The following SFXN5 variants were observed in gnomAD, a reference collection of about 807,000 sequenced individuals.
SFXN5 encodes sideroflexin 5, also known as sideroflexin-5.
Under a neutral mutation model 50.2 loss-of-function variants are expected in SFXN5, and 43 were observed. The ratio of observed to expected loss-of-function variants is 0.86; its 90% CI spans 0.67 to 1.11. SFXN5 has a LOEUF of 1.11. Ranked by LOEUF, SFXN5 falls within the 50% of genes least tolerant of loss-of-function variation. SFXN5 has a pLI of 0.00. For synonymous variants in SFXN5, 203 were observed against 185.8 expected, an observed-to-expected ratio of 1.09 and a Z score of -0.75; for missense variants, 463 against 454.1, an observed-to-expected ratio of 1.02 and a Z score of -0.18.
At chr2:73,071,006 G>C (rs1280991695) in intron 1 of SFXN5, 1 of 152,584 alleles carries the variant, frequency 6.6e-6, no homozygotes, top group African/African-American at 2.4e-5. Context: ...CCGAGATGGA[G>C]AGCAGGGACG....
chr2:73,071,543 G>A lies in SFXN5; in HGVS notation c.102+61C>T, dbSNP rs1039128754. 15 of 1,496,930 alleles carry A rather than the reference G, an allele frequency of 1.0e-5. No homozygotes were observed. In the African/African-American group the frequency reaches 2.1e-4, roughly 21 times the overall value. The allele number at this position is 1,496,930 out of a possible 1,614,324, so 92.7% of individuals were successfully genotyped here. A position where few individuals can be genotyped will look rare whatever the true frequency, so the allele number is the denominator to read the frequency against. On this transcript the variant is annotated intron_variant, in intron 1 of 13. Coordinates refer to ENST00000272433, the MANE Select transcript of SFXN5 (RefSeq NM_144579.3). The stretch of plus-strand genomic sequence containing the variant: ...CCTTGGGCGGAAGGGGACTTTGGAG[G>A]GGAGTTTGCTCGTCCTCTCTTTGCC...
intron 2 of SFXN5, among the ~76,000 whole-genome samples, chr2:73,048,254 G>C (rs1017995423): frequency 6.6e-5 from 10 of 152,290 alleles, no homozygotes; most frequent in Middle Eastern, 3.4e-3. Flanking sequence ...CAGAGTCTCT[G>C]TCACCCAGGC....
At chr2:73,032,972 A>G (rs1678509148) in intron 3 of SFXN5, among the ~76,000 whole-genome samples, 1 of 152,206 alleles carries the variant, frequency 6.6e-6, no homozygotes, top group South Asian at 2.1e-4. Context: ...ACGAAAGAAG[A>G]GGGACTCTTC....
intron 12 of SFXN5, among the ~76,000 whole-genome samples, chr2:72,968,237 T>C (rs1259154767): frequency 1.3e-5 from 2 of 151,114 alleles, no homozygotes; most frequent in Admixed American, 6.6e-5. Flanking sequence ...TAGCCCAGGG[T>C]CCTGCATAGT....
chr2:73,059,211 C>A lies in SFXN5; in HGVS notation c.103-615G>T, dbSNP rs116089822. 17,286 of 985,796 alleles carry A rather than the reference C, an allele frequency of 0.018. 1,109 individuals carry two copies. The African/African-American group carries it at 0.19, about 11-fold the overall frequency. 61.1% of individuals were successfully genotyped at this position (985,796 alleles called of 1,614,324 possible). A position where few individuals can be genotyped will look rare whatever the true frequency, so the allele number is the denominator to read the frequency against. On this transcript the variant is annotated intron_variant, in intron 1 of 13. Transcript: ENST00000272433. ...TGGAAAAGGAGGGCTTTATGCTAAG[C>A]GCAGCCACAGGCATTGGAGCACAAT...
chr2:73,063,730 T>C (rs1343066295), intron 1 of SFXN5, among the ~76,000 whole-genome samples: 3 of 151,776 alleles, frequency 2.0e-5, no homozygotes, highest in African/African-American at 7.3e-5. Flanking sequence ...ATGAAAGAGG[T>C]GGTTACTGGA....
chr2:72,956,654 T>C (rs1673122242), intron 13 of SFXN5, among the ~76,000 whole-genome samples: 1 of 152,210 alleles, frequency 6.6e-6, no homozygotes, highest in African/African-American at 2.4e-5. Flanking sequence ...ACAAGGAATA[T>C]TGATACCTAC....
At chr2:72,985,854 C>A (rs143453566) in intron 10 of SFXN5, among the ~76,000 whole-genome samples, 12 of 152,276 alleles carry the variant, frequency 7.9e-5, no homozygotes, top group Non-Finnish European at 1.2e-4. Flanking sequence ...GTCTCAGACC[C>A]AAAGCAGGGA....
At chr2:73,069,095 G>A (rs1295412791) in intron 1 of SFXN5, among the ~76,000 whole-genome samples, 1 of 152,086 alleles carries the variant, frequency 6.6e-6, no homozygotes, top group African/African-American at 2.4e-5. Context: ...ATACTTTGGG[G>A]GCCCCTTCAG....
At chr2:72,962,746 CTCATGTTACCTGCGGG>C (rs1320060999) in intron 12 of SFXN5, among the ~76,000 whole-genome samples, 1 of 152,200 alleles carries the variant, frequency 6.6e-6, no homozygotes, top group East Asian at 1.9e-4. Flanking sequence ...GTTGTTATTG[CTCATGTTACCTGCGGG>C]AAGGTAGGAT....
intron 10 of SFXN5, among the ~76,000 whole-genome samples, chr2:72,980,315 T>C (rs1213915069): frequency 2.0e-5 from 3 of 152,204 alleles, no homozygotes; most frequent in East Asian, 1.9e-4. Context: ...GGAAGGTCTA[T>C]GTATATACAT....
chr2:72,950,695 T>G lies in SFXN5; in HGVS notation c.946-5596A>C, dbSNP rs1384895544. On this transcript the variant is annotated intron_variant, in intron 13 of 13. Coordinates refer to ENST00000272433, the MANE Select transcript of SFXN5 (RefSeq NM_144579.3). This position sits in a 1 kb window ranked among gnomAD's most constrained non-coding sequence, Gnocchi z 4.2. Reference sequence around the variant, plus strand: ...AGGGAACCACATCTAGGGCCTTGCCTGGCAGTGGCCTCTGGACCCATGGAT... The same window carrying G: ...AGGGAACCACATCTAGGGCCTTGCCGGGCAGTGGCCTCTGGACCCATGGAT... Among the ~76,000 whole-genome samples, 2 of 152,260 alleles carry G rather than the reference T, an allele frequency of 1.3e-5. No homozygotes were observed. The highest frequency in any genetic ancestry group is 3.8e-4 in the East Asian group (2 of 5,202).
chr2:72,990,326 A>G (rs1437816365), intron 9 of SFXN5, among the ~76,000 whole-genome samples: 1 of 152,164 alleles, frequency 6.6e-6, no homozygotes, highest in African/African-American at 2.4e-5. Flanking sequence ...GACACACTTC[A>G]GTGGTACAGT....
At chr2:73,040,788 G>C in intron 3 of SFXN5, 66 bp downstream of exon 3, 1 of 1,335,556 alleles carries the variant, frequency 7.5e-7, no homozygotes, top group Non-Finnish European at 1.1e-6. Context: ...TGCAGCGAAG[G>C]GTTTGTGAAT....
chr2:73,065,244 G>A (rs1020569199), intron 1 of SFXN5, among the ~76,000 whole-genome samples: 13 of 152,148 alleles, frequency 8.5e-5, no homozygotes, highest in Admixed American at 8.5e-4. Flanking sequence ...GGGACTACAG[G>A]TGCATGCTAC....
chr2:73,026,855 A>G (rs1437653068), intron 3 of SFXN5, among the ~76,000 whole-genome samples: 1 of 151,960 alleles, frequency 6.6e-6, no homozygotes, highest in Non-Finnish European at 1.5e-5. Flanking sequence ...CAGCCTCCCG[A>G]GTAGCTGGGA....
intron 6 of SFXN5, among the ~76,000 whole-genome samples, chr2:73,007,334 T>C (rs1181952458): frequency 1.3e-5 from 2 of 152,076 alleles, no homozygotes; most frequent in Non-Finnish European, 2.9e-5. Context: ...AGGGGAAGAC[T>C]AGGGCGAACT....
chr2:72,957,665 G>A (rs1157638103), intron 13 of SFXN5, among the ~76,000 whole-genome samples: 1 of 152,262 alleles, frequency 6.6e-6, no homozygotes, highest in Admixed American at 6.5e-5. Context: ...TGGGATGTGA[G>A]ACATGATCCC....
intron 1 of SFXN5, chr2:73,071,298 C>T (rs2106088221): frequency 2.5e-6 from 1 of 398,248 alleles, no homozygotes; most frequent in Non-Finnish European, 4.5e-6. Flanking sequence ...AAGCCGGGCG[C>T]TCGGGACCTT....
Sources: allele counts gnomAD v4.1 joint callset (sites outside exome capture counted in the v4.1 genomes callset), GRCh38; gene constraint gnomAD v4.1.1; non-coding constraint Gnocchi (gnomAD v3.1); transcripts MANE v1.5; gene names NCBI Gene and HGNC (gene_info 2026-07-23, HGNC 2026-07-21).